WWOX: variants seen among roughly 807,000 people sequenced by gnomAD.
The protein encoded by WWOX is WW domain-containing oxidoreductase.
WWOX carries 69 observed loss-of-function variants against 46.2 expected under a neutral mutation model. The ratio of observed to expected loss-of-function variants is 1.49; its 90% CI spans 1.23 to 1.82. WWOX has a LOEUF of 1.82. WWOX is among the 40% of genes most tolerant of loss of function. The probability of loss-of-function intolerance (pLI) is 0.00; values close to 1 mark genes in which losing one functional copy is unlikely to be tolerated. For missense variants in WWOX, 919 were observed against 542.6 expected, an observed-to-expected ratio of 1.69 and a Z score of -6.89; for synonymous variants, 359 against 202.6, an observed-to-expected ratio of 1.77 and a Z score of -6.56.
chr16:79,100,542 T>C (rs1194240793), intron 8 of WWOX, among the ~76,000 whole-genome samples: 2 of 152,194 alleles, frequency 1.3e-5, no homozygotes, highest in African/African-American at 4.8e-5. Flanking sequence ...AGTTCCAGGC[T>C]GTGCTTTGAT....
intron 8 of WWOX, among the ~76,000 whole-genome samples, chr16:78,459,709 T>C (rs894727589): frequency 6.6e-6 from 1 of 152,206 alleles, no homozygotes; most frequent in Non-Finnish European, 1.5e-5. Flanking sequence ...CAGTTAAGTA[T>C]TTAAAAATAA....
intron 8 of WWOX, among the ~76,000 whole-genome samples, chr16:79,137,164 C>T (rs907493828): frequency 1.3e-5 from 2 of 152,194 alleles, no homozygotes; most frequent in Non-Finnish European, 2.9e-5. Flanking sequence ...GCACATGCAA[C>T]GTCCAGTGCT....
intron 8 of WWOX, among the ~76,000 whole-genome samples, chr16:78,500,885 G>A (rs549214975): frequency 5.3e-5 from 8 of 152,230 alleles, no homozygotes; most frequent in Non-Finnish European, 8.8e-5. Context: ...GCTCAAAGAA[G>A]TTCCAAAAGA....
At chr16:78,584,644 A>G (rs2045148943) in intron 8 of WWOX, among the ~76,000 whole-genome samples, 1 of 152,236 alleles carries the variant, frequency 6.6e-6, no homozygotes, top group South Asian at 2.1e-4. Context: ...ATTCTGTTCT[A>G]TGATACCACT....
At chr16:78,754,945 A>G (rs1451950912) in intron 8 of WWOX, among the ~76,000 whole-genome samples, 1 of 151,868 alleles carries the variant, frequency 6.6e-6, no homozygotes, top group Non-Finnish European at 1.5e-5. Context: ...AATGCTGTCC[A>G]CAAAGAGCCA....
chr16:79,134,548 C>T (rs879044439), intron 8 of WWOX, among the ~76,000 whole-genome samples: 1 of 152,150 alleles, frequency 6.6e-6, no homozygotes, highest in Admixed American at 6.5e-5. Context: ...GGGGCCTCTT[C>T]CTCATTGCTG....
intron 8 of WWOX, among the ~76,000 whole-genome samples, chr16:78,866,497 T>G (rs756334112): frequency 7.9e-5 from 12 of 152,164 alleles, no homozygotes; most frequent in Non-Finnish European, 1.8e-4. Flanking sequence ...TCCTTCAGGT[T>G]AGTAAAACGA....
intron 8 of WWOX, among the ~76,000 whole-genome samples, chr16:78,760,724 CTT>C (rs1473224065): frequency 6.6e-6 from 1 of 152,206 alleles, no homozygotes; most frequent in Non-Finnish European, 1.5e-5. Flanking sequence ...ACATGAGACT[CTT>C]TGAGGCAGAA....
chr16:78,633,900 T>G (rs1312302837), intron 8 of WWOX, among the ~76,000 whole-genome samples: 1 of 151,672 alleles, frequency 6.6e-6, no homozygotes, highest in Admixed American at 6.6e-5. Context: ...TGAGGTGTTT[T>G]TTTTTTTTTT....
At chr16:78,209,593 A>G (rs1481747952) in intron 5 of WWOX, among the ~76,000 whole-genome samples, 1 of 152,214 alleles carries the variant, frequency 6.6e-6, no homozygotes, top group African/African-American at 2.4e-5. Flanking sequence ...GATTCTTGCT[A>G]TTCTTTGTAA....
chr16:78,378,318 A>G (rs919495455), intron 5 of WWOX, among the ~76,000 whole-genome samples: 2 of 152,178 alleles, frequency 1.3e-5, no homozygotes, highest in African/African-American at 4.8e-5. Flanking sequence ...TTATGAGGGC[A>G]TACTTTTCAT....
intron 8 of WWOX, among the ~76,000 whole-genome samples, chr16:78,774,409 G>A (rs953942517): frequency 2.6e-5 from 4 of 152,042 alleles, no homozygotes; most frequent in African/African-American, 9.7e-5. Flanking sequence ...CAAAAAAAAA[G>A]AAAGAGTTCT....
rs182933832 is a variant in WWOX, at chr16:78,602,287, C to T, written c.1056+169535C>T. Among the ~76,000 whole-genome samples, 8 of 152,268 alleles carry T rather than the reference C, an allele frequency of 5.3e-5. No individual in the cohort carries two copies. The East Asian group carries it at 1.4e-3, about 26-fold the overall frequency. On this transcript the variant is annotated intron_variant, in intron 8 of 8. Coordinates refer to ENST00000566780, the MANE Select transcript of WWOX (RefSeq NM_016373.4). ...TCGATCTGACAGCCAGACTGGAGTG[C>T]AGTGGTGTAATCTCGGCTTACTGCA...
chr16:78,920,108 C>T (rs530627281), intron 8 of WWOX, among the ~76,000 whole-genome samples: 2 of 152,148 alleles, frequency 1.3e-5, no homozygotes, highest in Admixed American at 6.5e-5. Context: ...GAGTTCTTGT[C>T]TACACTGTAG....
At chr16:78,993,342 T>G (rs1034586149) in intron 8 of WWOX, among the ~76,000 whole-genome samples, 1 of 152,190 alleles carries the variant, frequency 6.6e-6, no homozygotes, top group Non-Finnish European at 1.5e-5. Context: ...GTTTTATATC[T>G]TGAATATTTA....
chr16:78,647,856 C>G (rs1262931657), intron 8 of WWOX, among the ~76,000 whole-genome samples: 2 of 152,066 alleles, frequency 1.3e-5, no homozygotes, highest in Non-Finnish European at 2.9e-5. Flanking sequence ...TGGGGGATCC[C>G]AGCTCTTTTT....
intron 8 of WWOX, among the ~76,000 whole-genome samples, chr16:79,076,184 C>G (rs1419389923): frequency 6.6e-6 from 1 of 152,208 alleles, no homozygotes; most frequent in African/African-American, 2.4e-5. Context: ...ATCTTCATAT[C>G]AGGGAACAAA....
intron 5 of WWOX, among the ~76,000 whole-genome samples, chr16:78,268,831 A>G (rs765265479): frequency 8.5e-5 from 13 of 152,194 alleles, no homozygotes; most frequent in Non-Finnish European, 1.8e-4. Context: ...ACATTATTAT[A>G]CATTATTTGA....
chr16:78,808,913 C>G (rs1387938062), intron 8 of WWOX, among the ~76,000 whole-genome samples: 1 of 152,108 alleles, frequency 6.6e-6, no homozygotes, highest in African/African-American at 2.4e-5. Flanking sequence ...TTCCGTTAGG[C>G]CATTTGCCAA....
Sources: allele counts gnomAD v4.1 joint callset (sites outside exome capture counted in the v4.1 genomes callset), GRCh38; gene constraint gnomAD v4.1.1; transcripts MANE v1.5; gene names NCBI Gene and HGNC (gene_info 2026-07-23, HGNC 2026-07-21).